GDAP2: variants seen among roughly 807,000 people sequenced by gnomAD.
The protein encoded by GDAP2 is ganglioside-induced differentiation-associated protein 2.
A neutral mutation model predicts 67.0 loss-of-function variants in GDAP2; 51 were observed. That is an observed-to-expected ratio of 0.76 (90% CI 0.61 to 0.96). The LOEUF (loss-of-function observed/expected upper bound fraction) is 0.96, where lower values mean the gene tolerates loss of function less well. Ranked by LOEUF, GDAP2 falls within the 40% of genes least tolerant of loss-of-function variation. The pLI is 0.00. For missense variants in GDAP2, 547 were observed against 588.3 expected (o/e 0.93, Z 0.73); for synonymous variants, 203 against 207.3 (o/e 0.98, Z 0.18).
Position 117,863,689 on chromosome 1 carries a change from T to C in GDAP2, c.*6880A>G, listed in dbSNP as rs1274193523. The C allele has an allele frequency of 6.6e-6, 1 of 152,244 alleles. No homozygotes were observed. Among genetic ancestry groups the C allele is most frequent in the Non-Finnish European group, 1.5e-5 (1 of 68,032 alleles). The allele number at this position is 152,244 out of a possible 1,614,324, so 9.4% of individuals were successfully genotyped here. ...AAACTTTCTAAATAAGCAATTTACA[T>C]TGATATTCTATATTTAAATTATGTT... On this transcript the variant is annotated 3_prime_UTR_variant, in exon 14 of 14. Transcript: ENST00000369443.
At chr1:117,909,225 A>T (rs927887367) in intron 5 of GDAP2, among the ~76,000 whole-genome samples, 4 of 152,240 alleles carry the variant, frequency 2.6e-5, no homozygotes, top group African/African-American at 9.6e-5. Flanking sequence ...CACCACGAGA[A>T]CAAACACCTT....
intron 3 of GDAP2, among the ~76,000 whole-genome samples, chr1:117,916,614 T>C (rs1424022106): frequency 6.6e-6 from 1 of 152,176 alleles, no homozygotes; most frequent in East Asian, 1.9e-4. Flanking sequence ...TGGTTGCATA[T>C]GCTAGTTGCT....
intron 5 of GDAP2, among the ~76,000 whole-genome samples, chr1:117,909,394 A>G (rs1367699689): frequency 2.6e-5 from 4 of 152,230 alleles, no homozygotes; most frequent in Admixed American, 6.5e-5. Flanking sequence ...TAAGAAAAAA[A>G]AAGCACGTGT....
intron 6 of GDAP2, among the ~76,000 whole-genome samples, chr1:117,902,712 CT>C (rs1054759069): frequency 2.6e-5 from 4 of 152,032 alleles, no homozygotes; most frequent in Admixed American, 2.0e-4. Context: ...CAATGTTGTT[CT>C]TTTTTTCCAA....
chr1:117,903,572 A>C (rs1284759887), intron 6 of GDAP2, among the ~76,000 whole-genome samples: 1 of 151,830 alleles, frequency 6.6e-6, no homozygotes, highest in Admixed American at 6.6e-5. Context: ...GATATATTAC[A>C]TTGATTCAGA....
rs1648738884 is a variant in GDAP2, at chr1:117,883,525, C to CG, written c.1209dup (p.Asp404ArgfsTer11). ...ACATCGTAGAGTTTCTTCAGGAAGTCGGAGTCCAGGTGATTGTATTCGCTG... is the reference window on the plus strand; with the variant it reads ...ACATCGTAGAGTTTCTTCAGGAAGTCGGGAGTCCAGGTGATTGTATTCGCTG... On this transcript the variant is annotated frameshift_variant, in exon 11 of 14. Coordinates refer to ENST00000369443, the MANE Select transcript of GDAP2 (RefSeq NM_017686.4). LOFTEE classifies it high-confidence loss of function. The CG allele has an allele frequency of 3.7e-6, 6 of 1,612,570 alleles. No homozygotes were observed. Among genetic ancestry groups the CG allele is most frequent in the Non-Finnish European group, 5.1e-6 (6 of 1,178,946 alleles).
intron 12 of GDAP2, among the ~76,000 whole-genome samples, chr1:117,880,587 A>G (rs1648618028): frequency 6.6e-6 from 1 of 152,214 alleles, no homozygotes; most frequent in Non-Finnish European, 1.5e-5. Context: ...TGGATCCAGC[A>G]AAGCGGGAGA....
At chr1:117,912,989 A>T (rs1381160098) in intron 3 of GDAP2, among the ~76,000 whole-genome samples, 2 of 152,176 alleles carry the variant, frequency 1.3e-5, no homozygotes, top group Admixed American at 1.3e-4. Flanking sequence ...AGACAAACCT[A>T]ATTGCTTGCA....
At chr1:117,875,269 G>A (rs116513005) in intron 13 of GDAP2, among the ~76,000 whole-genome samples, 1,646 of 152,318 alleles carry the variant, frequency 0.011, 33 homozygotes, top group South Asian at 0.094. Context: ...GCTGCTCTCT[G>A]CATCCCAGCC....
At chr1:117,923,253 A>T (rs562548429) in intron 1 of GDAP2, among the ~76,000 whole-genome samples, 3 of 152,234 alleles carry the variant, frequency 2.0e-5, no homozygotes, top group Non-Finnish European at 2.9e-5. Context: ...GGTGACATAC[A>T]TCCTCAGCTT....
chr1:117,889,175 C>T (rs1210820533), intron 8 of GDAP2, among the ~76,000 whole-genome samples: 1 of 152,074 alleles, frequency 6.6e-6, no homozygotes, highest in East Asian at 1.9e-4. Context: ...TTCCTATTTA[C>T]ACTAAATCAA....
chr1:117,914,278 A>T (rs1393122094), intron 3 of GDAP2, among the ~76,000 whole-genome samples: 1 of 152,102 alleles, frequency 6.6e-6, no homozygotes, highest in Non-Finnish European at 1.5e-5. Flanking sequence ...GAATGTCATA[A>T]AAACAAACTA....
chr1:117,876,129 G>T (rs1018562422), intron 13 of GDAP2, among the ~76,000 whole-genome samples: 1 of 152,154 alleles, frequency 6.6e-6, no homozygotes, highest in Non-Finnish European at 1.5e-5. Flanking sequence ...AGTGTTGGAG[G>T]TGGGGTCTAA....
At chr1:117,893,685 T>C (rs965372640) in intron 8 of GDAP2, among the ~76,000 whole-genome samples, 4 of 152,214 alleles carry the variant, frequency 2.6e-5, no homozygotes, top group African/African-American at 4.8e-5. Context: ...CAAATACGGC[T>C]GAGCATGCAA....
chr1:117,912,419 T>C (rs1649887956), intron 4 of GDAP2, 111 bp downstream of exon 4: 4 of 890,322 alleles, frequency 4.5e-6, no homozygotes, highest in Non-Finnish European at 6.8e-6. Context: ...CCTCAAAATT[T>C]GACTTCCACT....
intron 10 of GDAP2, among the ~76,000 whole-genome samples, chr1:117,884,429 G>T (rs1213096167): frequency 6.6e-6 from 1 of 152,164 alleles, no homozygotes; most frequent in Non-Finnish European, 1.5e-5. Flanking sequence ...ACAACTGAAG[G>T]ATTACTGTAA....
chr1:117,914,541 C>T (rs982589064), intron 3 of GDAP2, among the ~76,000 whole-genome samples: 1 of 151,752 alleles, frequency 6.6e-6, no homozygotes, highest in Non-Finnish European at 1.5e-5. Context: ...TGAAATAAAA[C>T]AAAAAAATTT....
chr1:117,916,514 G>A (rs947673306), intron 3 of GDAP2, among the ~76,000 whole-genome samples: 1 of 152,220 alleles, frequency 6.6e-6, no homozygotes, highest in Non-Finnish European at 1.5e-5. Context: ...CTTACTGGTT[G>A]TGTGTGGACA....
At position 117,872,246 on chromosome 1, in the gene GDAP2, T is replaced by C. The variant is rs1184936627; in HGVS notation, c.1447-1630A>G. Among the ~76,000 whole-genome samples, 3 of 152,182 alleles carry C rather than the reference T, an allele frequency of 2.0e-5. No homozygotes were observed. In the East Asian group the frequency reaches 5.8e-4, roughly 29 times the overall value. On this transcript the variant is annotated intron_variant, in intron 13 of 13. Coordinates refer to ENST00000369443, the MANE Select transcript of GDAP2 (RefSeq NM_017686.4). ...AACACTTTCACACTGTTGGTGGGAA[T>C]GTAAATTAGTTCAACCACTGTGGAA...
Sources: allele counts gnomAD v4.1 joint callset (sites outside exome capture counted in the v4.1 genomes callset), GRCh38; gene constraint gnomAD v4.1.1; transcripts MANE v1.5; gene names NCBI Gene and HGNC (gene_info 2026-07-23, HGNC 2026-07-21).